Variants in PXDNL observed in about 807,000 individuals in gnomAD.
The protein encoded by PXDNL is peroxidasin like.
In PXDNL, 145 loss-of-function variants were observed where a neutral mutation model predicts 150.8. The observed-to-expected ratio is 0.96, with a 90% CI of 0.84 to 1.10. The LOEUF (loss-of-function observed/expected upper bound fraction) is 1.10, where lower values mean the gene tolerates loss of function less well. Among genes scored for constraint, PXDNL ranks in the 50% least tolerant of loss-of-function variants. The probability of loss-of-function intolerance (pLI) is 0.00; values close to 1 mark genes in which losing one functional copy is unlikely to be tolerated. For missense variants in PXDNL, 2,087 were observed against 1,873.9 expected (o/e 1.11, Z -2.10); for synonymous variants, 757 against 725.7 (o/e 1.04, Z -0.69).
At chr8:51,594,448 C>T (rs1585605724) in intron 2 of PXDNL, among the ~76,000 whole-genome samples, 1 of 152,186 alleles carries the variant, frequency 6.6e-6, no homozygotes, top group East Asian at 1.9e-4. Flanking sequence ...TATTACATAC[C>T]ATAATTAGTC....
In PXDNL at chr8:51,499,904, C is replaced by G. The variant is rs1428580113; in HGVS notation, c.381-134G>C. The G allele has an allele frequency of 6.6e-6, 4 of 609,846 alleles. No individual in the cohort carries two copies. In the African/African-American group the frequency reaches 7.4e-5, roughly 11 times the overall value. 37.8% of individuals were successfully genotyped at this position (609,846 alleles called of 1,614,324 possible). A position where few individuals can be genotyped will look rare whatever the true frequency, so the allele number is the denominator to read the frequency against. On this transcript the variant is annotated intron_variant, in intron 4 of 22. Coordinates refer to ENST00000356297, the MANE Select transcript of PXDNL (RefSeq NM_144651.5). Reference sequence around the variant, plus strand: ...ACCACTATATATCACATACAAAAATCAGAAACTCTGAGATATTTTGTCTCT... The same window carrying G: ...ACCACTATATATCACATACAAAAATGAGAAACTCTGAGATATTTTGTCTCT...
chr8:51,343,060 C>G (rs1222250057), intron 20 of PXDNL, among the ~76,000 whole-genome samples: 1 of 151,902 alleles, frequency 6.6e-6, no homozygotes, highest in Admixed American at 6.6e-5. Flanking sequence ...ACACAAAAAC[C>G]CAAGACACTG....
At chr8:51,437,448 T>G (rs1476057461) in intron 12 of PXDNL, among the ~76,000 whole-genome samples, 1 of 152,134 alleles carries the variant, frequency 6.6e-6, no homozygotes, top group African/African-American at 2.4e-5. Context: ...AACAAAATAC[T>G]AGCTAACCAA....
chr8:51,610,717 G>C (rs1235834337), intron 2 of PXDNL, among the ~76,000 whole-genome samples: 1 of 152,064 alleles, frequency 6.6e-6, no homozygotes, highest in East Asian at 1.9e-4. Flanking sequence ...CTAGAGTAAG[G>C]GTCCTCTTCC....
In PXDNL at chr8:51,449,040, TCAG is replaced by T; in HGVS notation, c.1325_1327del (p.Ala442del). Reference sequence around the variant, plus strand: ...GACAATAACAGGAGGTGGGTTGCCGTCAGCTTCACAGAGCCACTCTACAGCATG... The same window carrying T: ...GACAATAACAGGAGGTGGGTTGCCGTCTTCACAGAGCCACTCTACAGCATG... On this transcript the variant is annotated inframe_deletion, in exon 11 of 23. Transcript: ENST00000356297. 1 of 1,552,454 alleles carries T rather than the reference TCAG, an allele frequency of 6.4e-7. No individual in the cohort carries two copies. The highest frequency in any genetic ancestry group is 8.7e-7 in the Non-Finnish European group (1 of 1,147,212).
chr8:51,394,996 A>G (rs906871219), intron 17 of PXDNL, among the ~76,000 whole-genome samples: 83 of 152,320 alleles, frequency 5.4e-4, no homozygotes, highest in South Asian at 2.1e-4. Context: ...CACATTCAGC[A>G]ACCCCATGAG....
At chr8:51,432,310 C>T (rs1809268677) in intron 12 of PXDNL, among the ~76,000 whole-genome samples, 1 of 152,118 alleles carries the variant, frequency 6.6e-6, no homozygotes, top group South Asian at 2.1e-4. Context: ...AATCCTTGAG[C>T]CAACCATACA....
At chr8:51,583,910 C>A (rs1813265630) in intron 3 of PXDNL, among the ~76,000 whole-genome samples, 2 of 152,088 alleles carry the variant, frequency 1.3e-5, no homozygotes, top group African/African-American at 4.8e-5. Flanking sequence ...GTTGCCAGTA[C>A]AGAGAGAAAA....
intron 1 of PXDNL, among the ~76,000 whole-genome samples, chr8:51,787,025 G>T (rs1439400408): frequency 6.7e-6 from 1 of 150,108 alleles, no homozygotes; most frequent in African/African-American, 2.5e-5. Flanking sequence ...GAACAACAAA[G>T]CCTGGATGAC....
At chr8:51,493,312 T>C (rs187371792) in intron 5 of PXDNL, among the ~76,000 whole-genome samples, 279 of 136,508 alleles carry the variant, frequency 2.0e-3, no homozygotes, top group Non-Finnish European at 2.5e-3. Flanking sequence ...CAAAAGTAGA[T>C]AAAACCACAA....
intron 1 of PXDNL, among the ~76,000 whole-genome samples, chr8:51,787,989 C>T (rs1038358847): frequency 6.6e-6 from 1 of 152,214 alleles, no homozygotes; most frequent in Non-Finnish European, 1.5e-5. Flanking sequence ...AAGCTTACAA[C>T]TTGGCGAAGG....
At chr8:51,338,607 T>C (rs770245362) in intron 21 of PXDNL, among the ~76,000 whole-genome samples, 4 of 152,232 alleles carry the variant, frequency 2.6e-5, no homozygotes, top group Non-Finnish European at 5.9e-5. Flanking sequence ...TTTGATGCTA[T>C]GAAGAAAAGC....
intron 5 of PXDNL, among the ~76,000 whole-genome samples, chr8:51,499,304 T>C (rs1811128843): frequency 6.6e-6 from 1 of 152,118 alleles, no homozygotes; most frequent in Non-Finnish European, 1.5e-5. Flanking sequence ...TACTTTTTTG[T>C]ATTTTTAGCA....
At chr8:51,462,384 C>T (rs1002496536) in intron 8 of PXDNL, among the ~76,000 whole-genome samples, 1 of 152,058 alleles carries the variant, frequency 6.6e-6, no homozygotes, top group African/African-American at 2.4e-5. Flanking sequence ...AAAGTTGAAA[C>T]CTAATCCAAG....
rs1563481724 is a variant in PXDNL, at chr8:51,608,042, AAAGAAAGAAAGAAAGCAAGCAAGC to A, written c.237-15368_237-15345del. Among the ~76,000 whole-genome samples the A allele has an allele frequency of 2.3e-4, 30 of 133,076 alleles. 1 individual carries two copies. Among genetic ancestry groups the A allele is most frequent in the African/African-American group, 7.1e-4 (24 of 33,754 alleles). 87.3% of individuals were successfully genotyped at this position (133,076 alleles called of 152,430 possible). On this transcript the variant is annotated intron_variant, in intron 2 of 22. Coordinates refer to ENST00000356297, the MANE Select transcript of PXDNL (RefSeq NM_144651.5). ...GAAAGAAAGAAAGAAAGAAAGAAAG[AAAGAAAGAAAGAAAGCAAGCAAGC>A]AAGCAAGCAAGCAAGCAAGCAAGCA... is the stretch of plus-strand genomic sequence containing the variant.
At chr8:51,379,035 G>A (rs149573527) in intron 17 of PXDNL, among the ~76,000 whole-genome samples, 52 of 152,194 alleles carry the variant, frequency 3.4e-4, no homozygotes, top group Non-Finnish European at 5.3e-4. Context: ...TTGCCACAGC[G>A]CTAGGACTCC....
At chr8:51,735,184 ATAAAT>A (rs1264802978) in intron 1 of PXDNL, among the ~76,000 whole-genome samples, 2 of 152,224 alleles carry the variant, frequency 1.3e-5, no homozygotes, top group Non-Finnish European at 2.9e-5. Context: ...ACATTTAAAA[ATAAAT>A]TAAAAATGTG....
chr8:51,402,468 G>T (rs1228870239), intron 17 of PXDNL, among the ~76,000 whole-genome samples: 1 of 151,978 alleles, frequency 6.6e-6, no homozygotes, highest in African/African-American at 2.4e-5. Context: ...GCAGCAAGCC[G>T]AGATCGCACC....
At chr8:51,613,638 C>T (rs1169529352) in intron 2 of PXDNL, among the ~76,000 whole-genome samples, 1 of 152,120 alleles carries the variant, frequency 6.6e-6, no homozygotes, top group Non-Finnish European at 1.5e-5. Flanking sequence ...TTCTCATGGA[C>T]GTTGACATAT....
Sources: gnomAD v4.1 joint callset for allele counts (sites outside exome capture counted in the v4.1 genomes callset) on GRCh38, gnomAD v4.1.1 for gene constraint, MANE v1.5 for transcripts, NCBI Gene and HGNC (gene_info 2026-07-23, HGNC 2026-07-21) for gene names.